Variants in ADCK1 observed in about 807,000 individuals in gnomAD.
The protein encoded by ADCK1 is aarF domain containing kinase 1, also known as aarF domain-containing protein kinase 1.
Under a neutral mutation model 52.3 loss-of-function variants are expected in ADCK1, and 41 were observed. The ratio of observed to expected loss-of-function variants is 0.78; its 90% confidence interval spans 0.61 to 1.02. ADCK1 has a LOEUF of 1.02. Among genes scored for constraint, ADCK1 ranks in the 50% least tolerant of loss-of-function variants. The pLI is 0.00. For missense variants in ADCK1, 658 were observed against 679.5 expected (o/e 0.97, Z 0.35); for synonymous variants, 250 against 274.6 (o/e 0.91, Z 0.89).
intron 3 of ADCK1, among the ~76,000 whole-genome samples, chr14:77,843,032 G>C (rs1244186072): frequency 2.0e-5 from 3 of 151,896 alleles, no homozygotes; most frequent in Non-Finnish European, 2.9e-5. Context: ...TGGGATCACA[G>C]GTGTGTGCCA....
intron 4 of ADCK1, among the ~76,000 whole-genome samples, chr14:77,872,134 A>G (rs576652981): frequency 1.3e-5 from 2 of 152,338 alleles, no homozygotes; most frequent in South Asian, 2.1e-4. Context: ...CATGAATTAG[A>G]TGTTTTCAAA....
At chr14:77,899,460 T>A (rs2083482867) in intron 6 of ADCK1, among the ~76,000 whole-genome samples, 1 of 152,186 alleles carries the variant, frequency 6.6e-6, no homozygotes, top group Non-Finnish European at 1.5e-5. Flanking sequence ...AGTGTGATTG[T>A]TGACCCATTA....
chr14:77,896,502 C>A (rs2083411311), intron 5 of ADCK1, among the ~76,000 whole-genome samples: 1 of 152,260 alleles, frequency 6.6e-6, no homozygotes, highest in African/African-American at 2.4e-5. Flanking sequence ...TTCTTGCCTG[C>A]ATTCCAAGCC....
At chr14:77,817,799 A>G (rs2081490410) in intron 1 of ADCK1, among the ~76,000 whole-genome samples, 1 of 150,864 alleles carries the variant, frequency 6.6e-6, no homozygotes. Flanking sequence ...GCAGTGGCGC[A>G]ATCTCGGCTT....
At chr14:77,888,951 T>TG (rs999287088) in intron 5 of ADCK1, among the ~76,000 whole-genome samples, 23 of 151,698 alleles carry the variant, frequency 1.5e-4, no homozygotes, top group Non-Finnish European at 2.7e-4. Context: ...CCACATGTTG[T>TG]GGGGGGGGAC....
intron 4 of ADCK1, among the ~76,000 whole-genome samples, chr14:77,867,320 A>G (rs1334076149): frequency 6.6e-6 from 1 of 152,224 alleles, no homozygotes; most frequent in Non-Finnish European, 1.5e-5. Flanking sequence ...TGGGAATGGA[A>G]CAGAAGGATC....
chr14:77,849,312 A>C (rs1271314953), intron 3 of ADCK1, among the ~76,000 whole-genome samples: 2 of 152,266 alleles, frequency 1.3e-5, no homozygotes, highest in South Asian at 2.1e-4. Context: ...GGCCTCAAGC[A>C]ATCCTCCCGC....
At chr14:77,904,446 C>T (rs530146937) in intron 6 of ADCK1, among the ~76,000 whole-genome samples, 8 of 152,254 alleles carry the variant, frequency 5.3e-5, no homozygotes, top group Admixed American at 2.6e-4. Context: ...CTGCATGTCT[C>T]CAGGCCTTCT....
intron 3 of ADCK1, among the ~76,000 whole-genome samples, chr14:77,856,535 T>C (rs1405587017): frequency 6.6e-6 from 1 of 151,764 alleles, no homozygotes; most frequent in Non-Finnish European, 1.5e-5. Context: ...GATACCTTTC[T>C]GCCTAGCTTG....
At chr14:77,894,698 A>ACAGT (rs1162079938) in intron 5 of ADCK1, among the ~76,000 whole-genome samples, 1 of 131,202 alleles carries the variant, frequency 7.6e-6, no homozygotes, top group East Asian at 2.2e-4. Context: ...ATTGTAAATA[A>ACAGT]CAGTCAGTCG....
chr14:77,882,077 C>T (rs963590388), intron 4 of ADCK1, among the ~76,000 whole-genome samples: 2 of 152,002 alleles, frequency 1.3e-5, no homozygotes, highest in African/African-American at 4.8e-5. Flanking sequence ...GGTTTTCTGC[C>T]CAAGGCAGAC....
chr14:77,881,651 TC>T (rs1203222752), intron 4 of ADCK1, among the ~76,000 whole-genome samples: 2 of 152,096 alleles, frequency 1.3e-5, no homozygotes, highest in African/African-American at 4.8e-5. Context: ...CTCACCCTTT[TC>T]CCCCCTAATA....
chr14:77,805,431 T>G (rs1382482134), intron 1 of ADCK1, among the ~76,000 whole-genome samples: 1 of 151,564 alleles, frequency 6.6e-6, no homozygotes, highest in East Asian at 2.0e-4. Flanking sequence ...TTGGCTAATT[T>G]TTGTATTTTT....
intron 6 of ADCK1, among the ~76,000 whole-genome samples, chr14:77,905,457 T>C (rs1205862090): frequency 1.3e-5 from 2 of 151,754 alleles, no homozygotes; most frequent in East Asian, 3.9e-4. Flanking sequence ...CCTTGGCCTC[T>C]CAAAGTGCTG....
intron 6 of ADCK1, among the ~76,000 whole-genome samples, chr14:77,903,992 C>G (rs1339374649): frequency 6.6e-6 from 1 of 152,166 alleles, no homozygotes; most frequent in Non-Finnish European, 1.5e-5. Flanking sequence ...TCAGAGCTAT[C>G]AACCCTTTGG....
chr14:77,891,011 C>A (rs546319841), intron 5 of ADCK1, among the ~76,000 whole-genome samples: 19 of 151,954 alleles, frequency 1.3e-4, no homozygotes, highest in Admixed American at 1.2e-3. Context: ...GCCTTTGTTT[C>A]GAGCCCAGTG....
At chr14:77,824,654 G>A (rs776523953) in intron 3 of ADCK1, among the ~76,000 whole-genome samples, 39 of 151,798 alleles carry the variant, frequency 2.6e-4, no homozygotes, top group South Asian at 8.4e-4. Flanking sequence ...GGCTGCTCTC[G>A]AACTCCTGAC....
At chr14:77,866,308 C>T (rs375622400) in intron 4 of ADCK1, among the ~76,000 whole-genome samples, 5 of 152,066 alleles carry the variant, frequency 3.3e-5, no homozygotes, top group African/African-American at 4.8e-5. Context: ...ATATGTGGTC[C>T]GTTGTTGACC....
At chr14:77,855,694 A>G (rs1180383685) in intron 3 of ADCK1, among the ~76,000 whole-genome samples, 1 of 152,100 alleles carries the variant, frequency 6.6e-6, no homozygotes, top group African/African-American at 2.4e-5. Flanking sequence ...CATTTTTCTG[A>G]TGGACAGTAC....
Sources: gnomAD v4.1 joint callset for allele counts (sites outside exome capture counted in the v4.1 genomes callset) on GRCh38, gnomAD v4.1.1 for gene constraint, MANE v1.5 for transcripts, NCBI Gene and HGNC (gene_info 2026-07-23, HGNC 2026-07-21) for gene names.